RGPD2: variants seen among roughly 807,000 people sequenced by gnomAD.
RGPD2 encodes the protein RANBP2-like and GRIP domain-containing protein 2.
In RGPD2, 2 loss-of-function variants were observed where a neutral mutation model predicts 36.0. The ratio of observed to expected loss-of-function variants is 0.06; its 90% CI spans 0.02 to 0.17. The LOEUF (loss-of-function observed/expected upper bound fraction) is 0.17. Among genes scored for constraint, RGPD2 ranks in the 10% least tolerant of loss-of-function variants. RGPD2 has a pLI of 1.00. For missense variants in RGPD2, 40 were observed against 464.3 expected (o/e 0.09, Z 8.40); for synonymous variants, 19 against 163.8 (o/e 0.12, Z 6.75).
At chr2:87,881,802 G>C in the RGPD2 span, among the ~76,000 whole-genome samples, 3 of 152,124 alleles carry the variant, frequency 2.0e-5, no homozygotes, top group African/African-American at 4.8e-5. Flanking sequence ...AGCTGTTCTT[G>C]TATTGCTATA....
chr2:87,861,414 A>G, the RGPD2 span, among the ~76,000 whole-genome samples: 1 of 152,106 alleles, frequency 6.6e-6, no homozygotes, highest in African/African-American at 2.4e-5. Context: ...TGACCTTATT[A>G]GAAAGTTAAT....
the RGPD2 span, among the ~76,000 whole-genome samples, chr2:87,957,410 A>G: frequency 1.3e-5 from 2 of 151,804 alleles, no homozygotes; most frequent in Non-Finnish European, 2.9e-5. Context: ...GACATTATAT[A>G]TAACAGAAAT....
the RGPD2 span, among the ~76,000 whole-genome samples, chr2:87,952,030 T>C: frequency 6.6e-6 from 1 of 152,398 alleles, no homozygotes; most frequent in Middle Eastern, 3.4e-3. Flanking sequence ...TGTTGAGTTG[T>C]ATGCTCACCA....
the RGPD2 span, among the ~76,000 whole-genome samples, chr2:87,857,163 G>A: frequency 6.6e-6 from 1 of 152,200 alleles, no homozygotes; most frequent in Non-Finnish European, 1.5e-5. Context: ...CTACAAAAAT[G>A]TGAATTCTTA....
At chr2:87,825,380 G>C (rs1416953630) in intron 1 of RGPD2, among the ~76,000 whole-genome samples, 4 of 135,118 alleles carry the variant, frequency 3.0e-5, no homozygotes, top group African/African-American at 1.1e-4. Context: ...CGAGGCCGCC[G>C]CCGCCGCCGC....
the RGPD2 span, among the ~76,000 whole-genome samples, chr2:87,930,367 C>T: frequency 4.6e-5 from 7 of 151,476 alleles, no homozygotes; most frequent in Non-Finnish European, 8.8e-5. Context: ...TGATGAATCA[C>T]ATGTATTGAT....
chr2:87,943,980 GT>G, the RGPD2 span, among the ~76,000 whole-genome samples: 1 of 151,930 alleles, frequency 6.6e-6, no homozygotes, highest in Non-Finnish European at 1.5e-5. Flanking sequence ...TATGTTTTCT[GT>G]TTCAATACGA....
chr2:87,945,266 CAA>C, the RGPD2 span, among the ~76,000 whole-genome samples: 1 of 152,030 alleles, frequency 6.6e-6, no homozygotes. Flanking sequence ...TTGAAATGAA[CAA>C]ATTAAATCTA....
At chr2:87,988,542 T>TA in the RGPD2 span, among the ~76,000 whole-genome samples, 1,125 of 37,160 alleles carry the variant, frequency 0.03, 55 homozygotes, top group Middle Eastern at 0.1. Context: ...TATATATATA[T>TA]TTTTTTTTTT....
At chr2:87,814,915 G>GA (rs1289542381) in intron 4 of RGPD2, among the ~76,000 whole-genome samples, 6 of 36,924 alleles carry the variant, frequency 1.6e-4, no homozygotes, top group Admixed American at 3.0e-4. Context: ...AACGAAAAAA[G>GA]AAAAAAAAAA....
At chr2:87,870,325 A>T in the RGPD2 span, among the ~76,000 whole-genome samples, 17,699 of 129,536 alleles carry the variant, frequency 0.14, no homozygotes, top group African/African-American at 0.27. Flanking sequence ...CTATAGCTCC[A>T]TTCACAGCCT....
chr2:87,921,978 T>C, the RGPD2 span, among the ~76,000 whole-genome samples: 1 of 150,328 alleles, frequency 6.7e-6, no homozygotes, highest in Non-Finnish European at 1.5e-5. Context: ...GTAGATCAGC[T>C]GGCTTCCCCA....
the RGPD2 span, among the ~76,000 whole-genome samples, chr2:87,885,235 G>A: frequency 6.7e-3 from 983 of 146,876 alleles, no homozygotes; most frequent in Non-Finnish European, 0.011. Context: ...CACATCAACA[G>A]AATGAAGAAC....
At chr2:87,864,335 G>A in the RGPD2 span, among the ~76,000 whole-genome samples, 1 of 152,262 alleles carries the variant, frequency 6.6e-6, no homozygotes, top group African/African-American at 2.4e-5. Flanking sequence ...CTGGTTCTTA[G>A]GCCTTTGCAT....
the RGPD2 span, among the ~76,000 whole-genome samples, chr2:87,897,009 C>A: frequency 6.6e-6 from 1 of 152,274 alleles, no homozygotes; most frequent in African/African-American, 2.4e-5. Context: ...TGTGCATTTA[C>A]AAAACACAAC....
At chr2:87,882,700 A>G in the RGPD2 span, among the ~76,000 whole-genome samples, 4 of 152,220 alleles carry the variant, frequency 2.6e-5, no homozygotes, top group Non-Finnish European at 5.9e-5. Flanking sequence ...ACATTTTAAC[A>G]ATATTAATTC....
chr2:87,961,757 T>C, the RGPD2 span, among the ~76,000 whole-genome samples: 3 of 147,322 alleles, frequency 2.0e-5, no homozygotes, highest in Non-Finnish European at 4.5e-5. Flanking sequence ...GGTGGAACAC[T>C]TAGAGGAAAA....
chr2:87,915,681 T>G, the RGPD2 span, among the ~76,000 whole-genome samples: 77 of 138,456 alleles, frequency 5.6e-4, no homozygotes, highest in Middle Eastern at 8.1e-3. Flanking sequence ...TATCTCCCTT[T>G]TCAACCATAT....
At chr2:87,943,777 T>A in the RGPD2 span, among the ~76,000 whole-genome samples, 1 of 151,732 alleles carries the variant, frequency 6.6e-6, no homozygotes, top group Admixed American at 6.6e-5. Flanking sequence ...TTTCAGGTCT[T>A]ACATTAAAGT....
Sources: gnomAD v4.1 joint callset for allele counts (sites outside exome capture counted in the v4.1 genomes callset) on GRCh38, gnomAD v4.1.1 for gene constraint, MANE v1.5 for transcripts, NCBI Gene and HGNC (gene_info 2026-07-23, HGNC 2026-07-21) for gene names.